Variants in PLIN3 observed in about 807,000 individuals in gnomAD.
The protein encoded by PLIN3 is perilipin-3.
A neutral mutation model predicts 35.9 loss-of-function variants in PLIN3; 30 were observed. That is an observed-to-expected ratio of 0.84 (90% confidence interval 0.62 to 1.13). PLIN3 has a LOEUF of 1.13. Among genes scored for constraint, PLIN3 ranks in the 50% most tolerant of loss-of-function variants. The pLI, the probability that PLIN3 is intolerant of heterozygous loss-of-function variation, is 0.00. For missense variants in PLIN3, 603 were observed against 596.9 expected (o/e 1.01, Z -0.11); for synonymous variants, 261 against 262.5 (o/e 0.99, Z 0.06).
At chr19:4,845,925 CAAA>C (rs59469893) in intron 6 of PLIN3, among the ~76,000 whole-genome samples, 3 of 46,604 alleles carry the variant, frequency 6.4e-5, no homozygotes, top group Admixed American at 2.7e-4. Flanking sequence ...GACTCCGTCT[CAAA>C]AAAAAAAAAA....
At chr19:4,851,897 G>C in intron 5 of PLIN3, 119 bp downstream of exon 5, 1 of 1,062,092 alleles carries the variant, frequency 9.4e-7, no homozygotes, top group Non-Finnish European at 1.4e-6. Context: ...AAGATGCCCG[G>C]GAGAAGTGGC....
Position 4,839,206 on chromosome 19 carries a change from C to T in PLIN3, c.1291G>A (p.Glu431Lys), listed in dbSNP as rs2093624970. The T allele has an allele frequency of 1.2e-6, 2 of 1,605,480 alleles. No homozygotes were observed. Among genetic ancestry groups the T allele is most frequent in the Admixed American group, 1.7e-5 (1 of 59,702 alleles). ...FAPGITEKAPEEKK is the reference protein window; with the variant it reads ...FAPGITEKAPKEKK ...CTCCTCTCCCCCTACTTCTTCTCCT[C>T]CGGGGCTTTCTCAGTGATTCCAGGG... The change falls in exon 8 of 8, where the codon GAG becomes AAG. Residue 431 changes from glutamate (E) to lysine (K), a missense_variant. Glu to Lys is a moderately conservative substitution (Grantham distance 56). Transcript: ENST00000221957.
At position 4,859,950 on chromosome 19, in the gene PLIN3, G is replaced by A; in HGVS notation, c.141C>T (p.Ala47=). ...TGTGCGGGTAGCTCTCCTTGGTGGA[G>A]GCATAGGCTGCGGACACCATGTCGC... is the stretch of plus-strand genomic sequence containing the variant. ...STCDMVSAAY[A]STKESYPHIK... is the part of the protein sequence containing the mutation. The change falls in exon 3 of 8, where the codon GCC becomes GCT. Residue 47 remains alanine, a synonymous_variant. Coordinates refer to ENST00000221957, the MANE Select transcript of PLIN3 (RefSeq NM_005817.5). 1 of 1,614,094 alleles carries A rather than the reference G, an allele frequency of 6.2e-7. No individual in the cohort carries two copies. The highest frequency in any genetic ancestry group is 8.5e-7 in the Non-Finnish European group (1 of 1,180,000).
At chr19:4,866,109 C>T (rs1479092774) in intron 1 of PLIN3, among the ~76,000 whole-genome samples, 1 of 151,400 alleles carries the variant, frequency 6.6e-6, no homozygotes, top group Non-Finnish European at 1.5e-5. Context: ...CCTCCATCTC[C>T]CAGGTTCAAG....
At chr19:4,846,790 GGA>G (rs1222881336) in intron 6 of PLIN3, among the ~76,000 whole-genome samples, 3 of 152,106 alleles carry the variant, frequency 2.0e-5, no homozygotes, top group Non-Finnish European at 4.4e-5. Context: ...TACGAGTCAA[GGA>G]GAGAGGCCCC....
At chr19:4,855,969 C>G (rs895870100) in intron 4 of PLIN3, among the ~76,000 whole-genome samples, 47 of 151,760 alleles carry the variant, frequency 3.1e-4, no homozygotes, top group African/African-American at 1.1e-3. Flanking sequence ...CTGCTGTTTC[C>G]CAGCTAAGGC....
chr19:4,840,176 C>G (rs1033681532), intron 7 of PLIN3, among the ~76,000 whole-genome samples: 3 of 152,048 alleles, frequency 2.0e-5, no homozygotes, highest in African/African-American at 7.2e-5. Context: ...CCATGTTGGC[C>G]AGGCTGGTCT....
At chr19:4,851,223 T>C (rs369374763) in intron 5 of PLIN3, among the ~76,000 whole-genome samples, 4 of 152,086 alleles carry the variant, frequency 2.6e-5, no homozygotes, top group East Asian at 3.9e-4. Flanking sequence ...TCCCAGTACT[T>C]GGGGAGGCCG....
At chr19:4,846,820 T>C (rs576183565) in intron 6 of PLIN3, among the ~76,000 whole-genome samples, 12 of 152,176 alleles carry the variant, frequency 7.9e-5, no homozygotes, top group Admixed American at 6.6e-4. Context: ...CACTCTGATC[T>C]TGGACTTCCA....
intron 5 of PLIN3, among the ~76,000 whole-genome samples, chr19:4,851,450 C>T (rs1293874298): frequency 6.6e-6 from 1 of 151,888 alleles, no homozygotes; most frequent in Admixed American, 6.6e-5. Flanking sequence ...GGTGACAGGG[C>T]GAGACTCTGT....
intron 4 of PLIN3, 82 bp from the exon 5 acceptor site, chr19:4,852,383 A>G (rs945479733): frequency 7.3e-6 from 11 of 1,506,150 alleles, no homozygotes; most frequent in Non-Finnish European, 9.8e-6. Context: ...TTCCAGGGAG[A>G]CCGAGGCGGG....
intron 7 of PLIN3, among the ~76,000 whole-genome samples, chr19:4,841,333 G>C (rs1440266469): frequency 6.6e-6 from 1 of 152,136 alleles, no homozygotes; most frequent in Non-Finnish European, 1.5e-5. Flanking sequence ...CCCTAAGGAC[G>C]TCACGCTCAG....
At chr19:4,845,533 G>A (rs1167480463) in intron 6 of PLIN3, among the ~76,000 whole-genome samples, 1 of 152,158 alleles carries the variant, frequency 6.6e-6, no homozygotes, top group African/African-American at 2.4e-5. Context: ...GCTTTGGGAG[G>A]CCAAGGGGGT....
rs973009744 is a variant in PLIN3, at chr19:4,844,532, G to A, written c.960+136C>T. 7.0e-5 allele frequency: 63 copies of A among 894,822 alleles called. 1 individual carries two copies. Among genetic ancestry groups the A allele is most frequent in the Admixed American group, 3.3e-5 (1 of 30,406 alleles). The allele number at this position is 894,822 out of a possible 1,614,324, so 55.4% of individuals were successfully genotyped here. ...AGAAATCAAGGCAGGCTTCCTGAAGGAGGTGTCATTAGCTTCCAAAAGCAG... is the reference window on the plus strand; with the variant it reads ...AGAAATCAAGGCAGGCTTCCTGAAGAAGGTGTCATTAGCTTCCAAAAGCAG... On this transcript the variant is annotated intron_variant, in intron 7 of 7. Coordinates refer to ENST00000221957, the MANE Select transcript of PLIN3 (RefSeq NM_005817.5).
At position 4,844,694 on chromosome 19, in the gene PLIN3, G is replaced by C; in HGVS notation, c.934C>G (p.Pro312Ala). ...LSWNQKQLQG[P>A]EKEPPKPEQV... The stretch of plus-strand genomic sequence containing the variant: ...TCTGGCTTGGGCGGCTCCTTCTCGG[G>C]GCCCTGGAGCTGCTTCTGGTTCCAG... The change falls in exon 7 of 8, where the codon CCC becomes GCC. Residue 312 changes from proline (P) to alanine (A), a missense_variant. By Grantham distance (27) the Pro-to-Ala change is conservative. Transcript: ENST00000221957. 6.2e-7 allele frequency: 1 copy of C among 1,609,694 alleles called. No individual in the cohort carries two copies.
chr19:4,843,510 A>AAAAAAAATAAATAAATAAAT (rs1555733213), intron 7 of PLIN3, among the ~76,000 whole-genome samples: 6 of 139,438 alleles, frequency 4.3e-5, no homozygotes, highest in Admixed American at 7.4e-5. Flanking sequence ...TCCATCTCAA[A>AAAAAAAATAAATAAATAAAT]AAATAAATAA....
chr19:4,846,680 C>A (rs754570215), intron 6 of PLIN3, among the ~76,000 whole-genome samples: 2 of 151,954 alleles, frequency 1.3e-5, no homozygotes, highest in Non-Finnish European at 2.9e-5. Context: ...GCCTGGGCAA[C>A]AGAGCGAGAC....
At position 4,839,237 on chromosome 19, in the gene PLIN3, G is replaced by A. The variant is rs561209458; in HGVS notation, c.1260C>T (p.Pro420=). The change falls in exon 8 of 8, where the codon CCC becomes CCT. Residue 420 remains proline, a synonymous_variant. Transcript: ENST00000221957. Reference sequence around the variant, plus strand: ...CTTTCTCAGTGATTCCAGGGGCAAAGGGTCCCACGAGCCACGTGACAGGTG... The same window carrying A: ...CTTTCTCAGTGATTCCAGGGGCAAAAGGTCCCACGAGCCACGTGACAGGTG... The part of the protein sequence containing the change: ...QNTPVTWLVG[P]FAPGITEKAP... 2 of 1,610,904 alleles carry A rather than the reference G, an allele frequency of 1.2e-6. No homozygotes were observed. The highest frequency in any genetic ancestry group is 2.2e-5 in the South Asian group (2 of 91,022).
At chr19:4,850,104 G>A (rs1469260701) in intron 5 of PLIN3, among the ~76,000 whole-genome samples, 1 of 151,424 alleles carries the variant, frequency 6.6e-6, no homozygotes, top group Non-Finnish European at 1.5e-5. Context: ...GCGCCACCAT[G>A]CCTGGCTAAT....
Sources: gnomAD v4.1 joint callset for allele counts (sites outside exome capture counted in the v4.1 genomes callset) on GRCh38, gnomAD v4.1.1 for gene constraint, MANE v1.5 for transcripts, NCBI Gene and HGNC (gene_info 2026-07-23, HGNC 2026-07-21) for gene names.